Variants in CDC14A observed in about 807,000 individuals in gnomAD.
CDC14A encodes cell division cycle 14A, also known as dual specificity protein phosphatase CDC14A.
Under a neutral mutation model 74.4 loss-of-function variants are expected in CDC14A, and 53 were observed. That is an observed-to-expected ratio of 0.71 (90% CI 0.57 to 0.89). CDC14A has a LOEUF of 0.89. CDC14A is among the 40% of genes least tolerant of loss of function. The pLI, the probability that CDC14A is intolerant of heterozygous loss-of-function variation, is 0.00. For synonymous variants in CDC14A, 247 were observed against 258.4 expected (o/e 0.96, Z 0.43); for missense variants, 646 against 713.7 (o/e 0.91, Z 1.08).
At chr1:100,460,466 AC>A (rs1295935856) in intron 8 of CDC14A, among the ~76,000 whole-genome samples, 2 of 152,112 alleles carry the variant, frequency 1.3e-5, no homozygotes, top group East Asian at 3.9e-4. Context: ...CATGCTAGCA[AC>A]CCAGAGGCAG....
At chr1:100,418,643 C>T (rs557834590) in intron 4 of CDC14A, among the ~76,000 whole-genome samples, 11 of 152,074 alleles carry the variant, frequency 7.2e-5, no homozygotes, top group South Asian at 6.2e-4. Context: ...TCCTAGAGTA[C>T]GGTGATAAGG....
At chr1:100,360,108 A>ATTTTTTTTT (rs35028152) in intron 2 of CDC14A, among the ~76,000 whole-genome samples, 1 of 123,726 alleles carries the variant, frequency 8.1e-6, no homozygotes, top group Non-Finnish European at 1.7e-5. Flanking sequence ...ACACCCAGCT[A>ATTTTTTTTT]TTTTTTTTTT....
intron 2 of CDC14A, 25 bp downstream of exon 2, chr1:100,353,877 T>C: frequency 7.2e-7 from 1 of 1,388,134 alleles, no homozygotes; most frequent in South Asian, 1.2e-5. Context: ...TGTTTTTTTT[T>C]CTCTTGGCCA....
At chr1:100,464,926 C>CTT (rs58978094) in intron 9 of CDC14A, among the ~76,000 whole-genome samples, 3 of 138,828 alleles carry the variant, frequency 2.2e-5, no homozygotes, top group Non-Finnish European at 3.2e-5. Flanking sequence ...CTTTTCTTTT[C>CTT]TTTTTTTTTT....
chr1:100,465,430 T>C (rs1402569667), intron 9 of CDC14A, among the ~76,000 whole-genome samples: 2 of 152,234 alleles, frequency 1.3e-5, no homozygotes, highest in Non-Finnish European at 2.9e-5. Context: ...ACCTTTGGTT[T>C]AATTACAGCT....
chr1:100,424,726 G>C (rs1215894121), intron 5 of CDC14A, among the ~76,000 whole-genome samples: 1 of 152,160 alleles, frequency 6.6e-6, no homozygotes, highest in Non-Finnish European at 1.5e-5. Context: ...TTCTTCAGGA[G>C]CACCTGTTTA....
At chr1:100,479,204 A>G (rs1032995417) in intron 10 of CDC14A, among the ~76,000 whole-genome samples, 1 of 152,234 alleles carries the variant, frequency 6.6e-6, no homozygotes, top group African/African-American at 2.4e-5. Context: ...AAAATGCTTG[A>G]AAAAGTCTAA....
chr1:100,438,529 A>AT (rs1664587921), intron 5 of CDC14A, among the ~76,000 whole-genome samples: 1 of 152,160 alleles, frequency 6.6e-6, no homozygotes, highest in Non-Finnish European at 1.5e-5. Context: ...TATAGTTTAC[A>AT]TTTTTACAAG....
chr1:100,469,437 T>G (rs552141917), intron 10 of CDC14A, among the ~76,000 whole-genome samples: 1 of 152,354 alleles, frequency 6.6e-6, no homozygotes, highest in East Asian at 1.9e-4. Context: ...GAGGTACAAA[T>G]AAGATAATTC....
At chr1:100,439,150 T>C (rs1445850438) in intron 5 of CDC14A, among the ~76,000 whole-genome samples, 1 of 152,244 alleles carries the variant, frequency 6.6e-6, no homozygotes, top group Non-Finnish European at 1.5e-5. Context: ...GCACTCAATT[T>C]TCACCACGGT....
Position 100,467,956 on chromosome 1 carries a change from C to G in CDC14A, c.839C>G (p.Ala280Gly), listed in dbSNP as rs758160327. 1 of 1,585,442 alleles carries G rather than the reference C, an allele frequency of 6.3e-7. No individual in the cohort carries two copies. Among genetic ancestry groups the G allele is most frequent in the Non-Finnish European group, 8.5e-7 (1 of 1,170,820 alleles). ...TEGAIAVHCK[A>G]GLGRTGTLIA... Reference sequence around the variant, plus strand: ...CTTATTCTGTTTCATTCTCTTACAGCTGGTCTTGGAAGAACAGGGACATTG... The same window carrying G: ...CTTATTCTGTTTCATTCTCTTACAGGTGGTCTTGGAAGAACAGGGACATTG... Residue 280 changes from alanine to glycine, a missense_variant and splice_region_variant, in exon 10 of 16, where the codon GCT becomes GGT. By Grantham distance (60) the Ala-to-Gly change is moderately conservative. Transcript: ENST00000336454.
At chr1:100,470,183 C>T (rs988666339) in intron 10 of CDC14A, among the ~76,000 whole-genome samples, 3 of 151,932 alleles carry the variant, frequency 2.0e-5, no homozygotes, top group Non-Finnish European at 2.9e-5. Context: ...ACCAAATTAA[C>T]ACAAAAAGTA....
chr1:100,352,016 GC>G (rs1651092568), upstream of CDC14A, among the ~76,000 whole-genome samples: 2 of 151,488 alleles, frequency 1.3e-5, no homozygotes, highest in Admixed American at 1.3e-4. Context: ...GCGCGCGCGC[GC>G]CCTACAAGAG....
chr1:100,467,832 T>C lies in CDC14A; in HGVS notation c.839-124T>C, dbSNP rs560431. 0.96 allele frequency: 859,686 copies of C among 899,102 alleles called. 417,709 individuals carry two copies. The highest frequency in any genetic ancestry group is 1 in the Non-Finnish European group (608,574 of 611,384). The allele number at this position is 899,102 out of a possible 1,614,324, so 55.7% of individuals were successfully genotyped here. On this transcript the variant is annotated intron_variant, in intron 9 of 15. Coordinates refer to ENST00000336454, the MANE Select transcript of CDC14A (RefSeq NM_003672.4). ...TTTTACATGATAGCAGTTATGTTTA[T>C]TAGCTGTTGATAATATCATCACACT... is the stretch of plus-strand genomic sequence containing the variant.
At chr1:100,415,626 T>A (rs1158970398) in intron 4 of CDC14A, among the ~76,000 whole-genome samples, 2 of 152,234 alleles carry the variant, frequency 1.3e-5, no homozygotes, top group African/African-American at 4.8e-5. Context: ...TTTTACAACA[T>A]GTTCAACCAA....
rs188289686 is a variant in CDC14A, at chr1:100,355,384, G to A, written c.140+1532G>A. 2.3e-3 allele frequency among the ~76,000 whole-genome samples: 350 copies of A among 152,280 alleles called. 4 individuals carry two copies. The highest frequency in any genetic ancestry group is 7.3e-3 in the African/African-American group (305 of 41,542). On this transcript the variant is annotated intron_variant, in intron 2 of 15. Coordinates refer to ENST00000336454, the MANE Select transcript of CDC14A (RefSeq NM_003672.4). ...GATCTGAGTCACTTCTCTTGGGATTGCTAGGTGGTAGATCTAGCAGAAAAT... is the reference window on the plus strand; with the variant it reads ...GATCTGAGTCACTTCTCTTGGGATTACTAGGTGGTAGATCTAGCAGAAAAT...
intron 9 of CDC14A, among the ~76,000 whole-genome samples, chr1:100,465,844 A>G (rs1044428994): frequency 1.3e-5 from 2 of 152,236 alleles, no homozygotes; most frequent in Non-Finnish European, 2.9e-5. Flanking sequence ...GCTTTCAGAA[A>G]ATGCCTGGAA....
chr1:100,385,364 A>G (rs1656690692), intron 3 of CDC14A, among the ~76,000 whole-genome samples: 1 of 152,210 alleles, frequency 6.6e-6, no homozygotes. Flanking sequence ...GAAATTCTGG[A>G]GGTGAGACCC....
chr1:100,464,875 TA>T lies in CDC14A; in HGVS notation c.838+2000del, dbSNP rs1407475087. ...CCTTGACCTGTGAATGTTTACCTTT[TA>T]AAAAATATATGTATTTATTTTATAT... On this transcript the variant is annotated intron_variant, in intron 9 of 15. Transcript: ENST00000336454. 2.6e-5 allele frequency among the ~76,000 whole-genome samples: 4 copies of T among 151,998 alleles called. No individual in the cohort carries two copies. The South Asian group carries it at 6.2e-4, about 24-fold the overall frequency.
Sources: allele counts gnomAD v4.1 joint callset (sites outside exome capture counted in the v4.1 genomes callset), GRCh38; gene constraint gnomAD v4.1.1; transcripts MANE v1.5; gene names NCBI Gene and HGNC (gene_info 2026-07-23, HGNC 2026-07-21).